The following ABCC4 variants were observed in gnomAD, a reference collection of about 807,000 sequenced individuals.
The protein encoded by ABCC4 is ATP binding cassette subfamily C member 4 (PEL blood group).
A neutral mutation model predicts 168.5 loss-of-function variants in ABCC4; 102 were observed. That is an observed-to-expected ratio of 0.61 (90% CI 0.52 to 0.71). The LOEUF (loss-of-function observed/expected upper bound fraction) is 0.71, where lower values mean the gene tolerates loss of function less well. Ranked by LOEUF, ABCC4 falls within the 30% of genes least tolerant of loss-of-function variation. The pLI is 0.00. For synonymous variants in ABCC4, 617 were observed against 590.7 expected (o/e 1.04, Z -0.65); for missense variants, 1,402 against 1,605.8 (o/e 0.87, Z 2.17).
In ABCC4 at chr13:95,065,591, T is replaced by C. The variant is rs116784919; in HGVS notation, c.3211-2732A>G. 2.4e-3 allele frequency among the ~76,000 whole-genome samples: 369 copies of C among 152,332 alleles called. 6 individuals are homozygous for C. Among genetic ancestry groups the C allele is most frequent in the African/African-American group, 8.4e-3 (348 of 41,566 alleles). ...CTATTTGTGGATGTTTAGGCTCCAA[T>C]ATTTTGCTATTGTAAATAATACCAT... On this transcript the variant is annotated intron_variant, in intron 25 of 30. Coordinates refer to ENST00000645237, the MANE Select transcript of ABCC4 (RefSeq NM_005845.5).
At chr13:95,161,605 T>A (rs1412784113) in intron 18 of ABCC4, among the ~76,000 whole-genome samples, 18 of 152,210 alleles carry the variant, frequency 1.2e-4, no homozygotes, top group Admixed American at 1.2e-3. Context: ...AATTGCAAGT[T>A]CTATTAAAAA....
chr13:95,204,176 G>A (rs972033361), intron 8 of ABCC4, among the ~76,000 whole-genome samples: 3 of 152,074 alleles, frequency 2.0e-5, no homozygotes, highest in Non-Finnish European at 2.9e-5. Context: ...GTCATGTGCT[G>A]GGAAACACAC....
chr13:95,069,936 CAGATGTTACATTAA>C (rs1296522891), intron 25 of ABCC4, among the ~76,000 whole-genome samples: 1 of 152,144 alleles, frequency 6.6e-6, no homozygotes, highest in African/African-American at 2.4e-5. Context: ...GGGTGGGCCA[CAGATGTTACATTAA>C]AGAATCTGGC....
intron 27 of ABCC4, among the ~76,000 whole-genome samples, chr13:95,050,478 A>C (rs1566372534): frequency 6.6e-6 from 1 of 152,144 alleles, no homozygotes; most frequent in Admixed American, 6.5e-5. Context: ...TTGTCTCATT[A>C]CCCCCAAACG....
chr13:95,236,539 T>A (rs2039774628), intron 3 of ABCC4, among the ~76,000 whole-genome samples: 1 of 152,084 alleles, frequency 6.6e-6, no homozygotes, highest in South Asian at 2.1e-4. Context: ...TTCCCATCCC[T>A]CAGATGGGTC....
chr13:95,031,193 A>G (rs2031861180), intron 30 of ABCC4, among the ~76,000 whole-genome samples: 1 of 152,238 alleles, frequency 6.6e-6, no homozygotes, highest in Admixed American at 6.5e-5. Context: ...GTATGCAGAA[A>G]TGTCAAGAAA....
At chr13:95,215,791 GATA>G (rs1364867605) in intron 4 of ABCC4, among the ~76,000 whole-genome samples, 1 of 152,182 alleles carries the variant, frequency 6.6e-6, no homozygotes, top group African/African-American at 2.4e-5. Flanking sequence ...TAAAGTAAAT[GATA>G]ATAATTTGCG....
chr13:95,032,926 A>C (rs1305097333), intron 30 of ABCC4, among the ~76,000 whole-genome samples: 1 of 150,074 alleles, frequency 6.7e-6, no homozygotes, highest in Non-Finnish European at 1.5e-5. Flanking sequence ...CCTCCCAAAC[A>C]AAGTGCTGGG....
intron 1 of ABCC4, among the ~76,000 whole-genome samples, chr13:95,284,100 T>C (rs1426282475): frequency 2.0e-5 from 3 of 152,172 alleles, no homozygotes; most frequent in African/African-American, 4.8e-5. Context: ...TCCCAGCTAC[T>C]GGGGAGGCTG....
chr13:95,261,890 A>G (rs1441830286), intron 1 of ABCC4, among the ~76,000 whole-genome samples: 4 of 151,790 alleles, frequency 2.6e-5, no homozygotes, highest in African/African-American at 7.3e-5. Context: ...TTGAGCCCAA[A>G]TGTTCGAGAC....
chr13:95,221,984 C>T (rs1355972995), intron 4 of ABCC4, among the ~76,000 whole-genome samples: 1 of 152,190 alleles, frequency 6.6e-6, no homozygotes, highest in African/African-American at 2.4e-5. Context: ...ATACAGATTT[C>T]CAGGCCCTTT....
At chr13:95,022,784 T>C (rs998752576) in intron 30 of ABCC4, among the ~76,000 whole-genome samples, 1 of 152,228 alleles carries the variant, frequency 6.6e-6, no homozygotes, top group African/African-American at 2.4e-5. Context: ...GGGATTCACG[T>C]ACAAAAAAGA....
chr13:95,232,125 ATGATGGTGGTGGTGG>A (rs1381945456), intron 4 of ABCC4, among the ~76,000 whole-genome samples: 1 of 150,892 alleles, frequency 6.6e-6, no homozygotes, highest in Non-Finnish European at 1.5e-5. Context: ...GCTGCTGATG[ATGATGGTGGTGGTGG>A]TGGTGGTGGT....
At chr13:95,170,344 C>A in intron 14 of ABCC4, 188 bp downstream of exon 14, 1 of 459,526 alleles carries the variant, frequency 2.2e-6, no homozygotes, top group Non-Finnish European at 3.8e-6. Flanking sequence ...CTTGAGGTAG[C>A]AATTTTACAT....
chr13:95,115,463 C>A (rs375574965), intron 20 of ABCC4, among the ~76,000 whole-genome samples: 1 of 147,106 alleles, frequency 6.8e-6, no homozygotes, highest in Admixed American at 6.9e-5. Flanking sequence ...CTTATTATTA[C>A]TAATCTTTTC....
intron 1 of ABCC4, among the ~76,000 whole-genome samples, chr13:95,290,598 G>A (rs2041372154): frequency 1.3e-5 from 2 of 151,276 alleles, no homozygotes; most frequent in African/African-American, 4.9e-5. Context: ...CCAGCTACTG[G>A]GGAGGCTGAG....
rs2138983668 is a variant in ABCC4 at position 95,301,354 on chromosome 13, T to C, written c.-40A>G. ...CGGGCGCGGGCCGGGGTCGCGCTGA[T>C]CAGGCGGCGGTGGCCGCGGGCTCCG... On this transcript the variant is annotated 5_prime_UTR_variant, in exon 1 of 31. Transcript: ENST00000645237. The C allele has an allele frequency of 6.5e-7, 1 of 1,540,802 alleles. No individual in the cohort carries two copies. The highest frequency in any genetic ancestry group is 2.5e-5 in the East Asian group (1 of 39,592).
chr13:95,138,475 CTAAG>C (rs1293162414), intron 19 of ABCC4, among the ~76,000 whole-genome samples: 6 of 152,220 alleles, frequency 3.9e-5, no homozygotes, highest in Non-Finnish European at 7.4e-5. Flanking sequence ...GAAATGTGAA[CTAAG>C]TGTCAGATAG....
intron 1 of ABCC4, among the ~76,000 whole-genome samples, chr13:95,280,918 A>G (rs890111538): frequency 6.6e-6 from 1 of 152,142 alleles, no homozygotes; most frequent in African/African-American, 2.4e-5. Flanking sequence ...TCTCTTTAAA[A>G]TATTTATTTT....
Sources: allele counts gnomAD v4.1 joint callset (sites outside exome capture counted in the v4.1 genomes callset), GRCh38; gene constraint gnomAD v4.1.1; transcripts MANE v1.5; gene names NCBI Gene and HGNC (gene_info 2026-07-23, HGNC 2026-07-21).